Variants in MIEF1 observed in about 807,000 individuals in gnomAD.
MIEF1 encodes the protein mitochondrial elongation factor 1, also known as mitochondrial dynamics protein MIEF1.
MIEF1 carries 14 observed loss-of-function variants against 35.1 expected under a neutral mutation model. The ratio of observed to expected loss-of-function variants is 0.40; its 90% CI spans 0.26 to 0.62. The LOEUF (loss-of-function observed/expected upper bound fraction) is 0.62, where lower values mean the gene tolerates loss of function less well. MIEF1 is among the 20% of genes least tolerant of loss of function. The probability of loss-of-function intolerance (pLI) is 0.43; values close to 1 mark genes in which losing one functional copy is unlikely to be tolerated. For missense variants in MIEF1, 542 were observed against 615.4 expected, an observed-to-expected ratio of 0.88 and a Z score of 1.26; for synonymous variants, 245 against 254.3, an observed-to-expected ratio of 0.96 and a Z score of 0.35.
chr22:39,510,525 C>T (rs1930275119), intron 2 of MIEF1, among the ~76,000 whole-genome samples: 1 of 152,352 alleles, frequency 6.6e-6, no homozygotes, highest in South Asian at 2.1e-4. Context: ...CCCACCTCAG[C>T]CTCCCGGGTA....
At chr22:39,511,796 G>A in intron 3 of MIEF1, 53 bp from the exon 4 acceptor site, 8 of 1,539,046 alleles carry the variant, frequency 5.2e-6, no homozygotes, top group Non-Finnish European at 6.1e-6. Context: ...TAAATTGGAA[G>A]GAAATAGGGA....
intron 2 of MIEF1, among the ~76,000 whole-genome samples, chr22:39,510,389 T>C (rs1930270215): frequency 6.6e-6 from 1 of 152,200 alleles, no homozygotes; most frequent in Non-Finnish European, 1.5e-5. Flanking sequence ...TGCCTCAGCC[T>C]CCTAAGTAGA....
At chr22:39,505,883 G>T (rs545299164) in intron 2 of MIEF1, among the ~76,000 whole-genome samples, 2 of 152,222 alleles carry the variant, frequency 1.3e-5, no homozygotes, top group Non-Finnish European at 2.9e-5. Flanking sequence ...GAGTAACTGG[G>T]TGTAAGGCCT....
intron 2 of MIEF1, among the ~76,000 whole-genome samples, chr22:39,505,044 A>G (rs1332631787): frequency 6.6e-6 from 1 of 151,944 alleles, no homozygotes; most frequent in East Asian, 2.0e-4. Context: ...AATACAAAAA[A>G]TTAGGCGGGC....
intron 2 of MIEF1, among the ~76,000 whole-genome samples, chr22:39,510,199 C>T (rs1930260992): frequency 6.6e-6 from 1 of 152,152 alleles, no homozygotes; most frequent in Admixed American, 6.6e-5. Flanking sequence ...CTCAGGTGAT[C>T]CGCCTGCCTC....
chr22:39,515,329 G>A lies in MIEF1; in HGVS notation c.*1006G>A. ...CTGGAAAATCCAGTCACTAGTTGGG[G>A]TTTGGTGGCCATGTTTTCTACCCAG... On this transcript the variant is annotated 3_prime_UTR_variant, in exon 6 of 6. Transcript: ENST00000325301. 1 of 717,674 alleles carries A rather than the reference G, an allele frequency of 1.4e-6. No individual in the cohort carries two copies. Among genetic ancestry groups the A allele is most frequent in the East Asian group, 2.7e-5 (1 of 37,292 alleles). The allele number at this position is 717,674 out of a possible 1,614,324, so 44.5% of individuals were successfully genotyped here. A position where few individuals can be genotyped will look rare whatever the true frequency, so the allele number is the denominator to read the frequency against.
rs992081942 is a variant in MIEF1 at position 39,516,540 on chromosome 22, G to A, written c.*2217G>A. ...CAACATGGTGAAACCCCGTCTCCACGAAAAAGATAAAAATAAGCTGGGCGT... is the reference window on the plus strand; with the variant it reads ...CAACATGGTGAAACCCCGTCTCCACAAAAAAGATAAAAATAAGCTGGGCGT... On this transcript the variant is annotated 3_prime_UTR_variant, in exon 6 of 6. Transcript: ENST00000325301. 2 of 152,002 alleles carry A rather than the reference G, an allele frequency of 1.3e-5. No individual in the cohort carries two copies. The highest frequency in any genetic ancestry group is 6.6e-5 in the Admixed American group (1 of 15,254). 9.4% of individuals were successfully genotyped at this position (152,002 alleles called of 1,614,324 possible).
chr22:39,514,747 A>G lies in MIEF1; in HGVS notation c.*424A>G, dbSNP rs939707165. 5 of 245,178 alleles carry G rather than the reference A, an allele frequency of 2.0e-5. No homozygotes were observed. The highest frequency in any genetic ancestry group is 1.1e-4 in the African/African-American group (5 of 44,456). The allele number at this position is 245,178 out of a possible 1,614,324, so 15.2% of individuals were successfully genotyped here. ...CCTTCTGTTTTGCTCTTGTCCCTGG[A>G]GCATATCTGCCTAATTAAGATGTTG... On this transcript the variant is annotated 3_prime_UTR_variant, in exon 6 of 6. Transcript: ENST00000325301.
At chr22:39,512,148 AG>A (rs1357843049) in intron 4 of MIEF1, 83 bp from the exon 5 acceptor site, 6 of 1,562,856 alleles carry the variant, frequency 3.8e-6, no homozygotes, top group Non-Finnish European at 5.2e-6. Flanking sequence ...CCTCCATGCC[AG>A]GCCCTTCTTT....
At position 39,517,431 on chromosome 22, in the gene MIEF1, G is replaced by A. The variant is rs1018342886; in HGVS notation, c.*3108G>A. On this transcript the variant is annotated 3_prime_UTR_variant, in exon 6 of 6. Coordinates refer to ENST00000325301, the MANE Select transcript of MIEF1 (RefSeq NM_019008.6). ...AGAGGCCCACGGTCTCCTGGGTCCC[G>A]GCCACCTGTCCATATTCCACATTTG... The A allele has an allele frequency of 7.9e-6, 3 of 377,924 alleles. 1 individual carries two copies. The highest frequency in any genetic ancestry group is 1.7e-5 in the Non-Finnish European group (3 of 178,304). The allele number at this position is 377,924 out of a possible 1,614,324, so 23.4% of individuals were successfully genotyped here. A position where few individuals can be genotyped will look rare whatever the true frequency, so the allele number is the denominator to read the frequency against.
Position 39,516,509 on chromosome 22 carries a change from C to T in MIEF1, c.*2186C>T, listed in dbSNP as rs1481608107. On this transcript the variant is annotated 3_prime_UTR_variant, in exon 6 of 6. Transcript: ENST00000325301. ...CTTGAGGTCAGGAGTTCGAGACCAG[C>T]CTGGCCAACATGGTGAAACCCCGTC... 1 of 152,208 alleles carries T rather than the reference C, an allele frequency of 6.6e-6. No individual in the cohort carries two copies. The highest frequency in any genetic ancestry group is 1.5e-5 in the Non-Finnish European group (1 of 68,058). The allele number at this position is 152,208 out of a possible 1,614,324, so 9.4% of individuals were successfully genotyped here.
At chr22:39,500,852 C>G (rs1243130338), upstream of MIEF1, among the ~76,000 whole-genome samples, 2 of 151,918 alleles carry the variant, frequency 1.3e-5, no homozygotes, top group Admixed American at 1.3e-4. Flanking sequence ...AATGCCACCA[C>G]TCCCGGCTAA....
chr22:39,500,706 T>G (rs1455755136), upstream of MIEF1, among the ~76,000 whole-genome samples: 1 of 151,846 alleles, frequency 6.6e-6, no homozygotes, highest in Non-Finnish European at 1.5e-5. Flanking sequence ...TTCTTTTTCT[T>G]TTTTTTGAGA....
chr22:39,506,381 C>T (rs58340725), intron 2 of MIEF1, among the ~76,000 whole-genome samples: 58 of 152,230 alleles, frequency 3.8e-4, no homozygotes, highest in Middle Eastern at 6.8e-3. Context: ...CTCCGCACCG[C>T]GTGATCTCAG....
rs59743923 is a variant in MIEF1, at chr22:39,517,318, A to G, written c.*2995A>G. 2,467 of 235,078 alleles carry G rather than the reference A, an allele frequency of 0.01. 73 individuals are homozygous for G. The highest frequency in any genetic ancestry group is 0.052 in the African/African-American group (2,275 of 43,528). 14.6% of individuals were successfully genotyped at this position (235,078 alleles called of 1,614,324 possible). A position where few individuals can be genotyped will look rare whatever the true frequency, so the allele number is the denominator to read the frequency against. On this transcript the variant is annotated 3_prime_UTR_variant, in exon 6 of 6. Transcript: ENST00000325301. ...GCCCTTCCTAAAAAATGAGCTGAAG[A>G]TGACAGTATTTTTCTTTACATGCTT...
intron 2 of MIEF1, among the ~76,000 whole-genome samples, chr22:39,508,750 A>G (rs559730281): frequency 6.6e-6 from 1 of 152,282 alleles, no homozygotes; most frequent in East Asian, 1.9e-4. Flanking sequence ...TGAAGCCTCT[A>G]TTGACTGTAA....
At chr22:39,504,814 T>A in intron 2 of MIEF1, 1 of 162,148 alleles carries the variant, frequency 6.2e-6, no homozygotes, top group East Asian at 1.7e-4. Context: ...ACATTTGAGG[T>A]CTGCCTCAAA....
chr22:39,508,407 C>G (rs1361460600), intron 2 of MIEF1, among the ~76,000 whole-genome samples: 1 of 152,228 alleles, frequency 6.6e-6, no homozygotes, highest in Non-Finnish European at 1.5e-5. Flanking sequence ...CCTTCTGGCC[C>G]TGCTGCATCA....
Position 39,511,448 on chromosome 22 carries a change from T to C in MIEF1, c.144+10T>C. The C allele has an allele frequency of 6.4e-7, 1 of 1,552,696 alleles. No homozygotes were observed. Among genetic ancestry groups the C allele is most frequent in the Admixed American group, 2.0e-5 (1 of 49,654 alleles). On this transcript the variant is annotated intron_variant, in intron 3 of 5. Coordinates refer to ENST00000325301, the MANE Select transcript of MIEF1 (RefSeq NM_019008.6). ...GCTGGCAGTTAAGCGGGTAAGTGCA[T>C]GCAGCCAGGGCTGGGGGTGGAATGT...
Sources: gnomAD v4.1 joint callset for allele counts (sites outside exome capture counted in the v4.1 genomes callset) on GRCh38, gnomAD v4.1.1 for gene constraint, MANE v1.5 for transcripts, NCBI Gene and HGNC (gene_info 2026-07-23, HGNC 2026-07-21) for gene names.